C3orf52: variants seen among roughly 807,000 people sequenced by gnomAD.
C3orf52 encodes TPA-induced transmembrane protein.
C3orf52 carries 22 observed loss-of-function variants against 24.8 expected under a neutral mutation model. The observed-to-expected ratio is 0.89, with a 90% CI of 0.63 to 1.27. The LOEUF (loss-of-function observed/expected upper bound fraction) is 1.27, where lower values mean the gene tolerates loss of function less well. Among genes scored for constraint, C3orf52 ranks in the 50% most tolerant of loss-of-function variants. The pLI, the probability that C3orf52 is intolerant of heterozygous loss-of-function variation, is 0.00. For synonymous variants in C3orf52, 93 were observed against 100.2 expected, an observed-to-expected ratio of 0.93 and a Z score of 0.43; for missense variants, 265 against 260.7, an observed-to-expected ratio of 1.02 and a Z score of -0.11.
At chr3:112,132,750 A>G (rs1443963124), downstream of C3orf52, 13 of 697,400 alleles carry the variant, frequency 1.9e-5, no homozygotes, top group Non-Finnish European at 2.1e-5. Context: ...CTCCTTGTGG[A>G]GCATGAGGAG....
At chr3:112,092,557 G>A (rs1251308832) in intron 1 of C3orf52, among the ~76,000 whole-genome samples, 1 of 152,220 alleles carries the variant, frequency 6.6e-6, no homozygotes, top group Non-Finnish European at 1.5e-5. Context: ...ACACAGCAGG[G>A]ATTGGTTCTG....
At chr3:112,116,586 AT>A in intron 5 of C3orf52, 55 bp from the exon 6 acceptor site, 1 of 1,399,346 alleles carries the variant, frequency 7.1e-7, no homozygotes, top group Non-Finnish European at 9.6e-7. Context: ...AAACGTAAGC[AT>A]TTAATAGTGG....
chr3:112,133,025 T>C, downstream of C3orf52: 1 of 1,537,286 alleles, frequency 6.5e-7, no homozygotes, highest in East Asian at 2.3e-5. Context: ...CTAGCTTTCT[T>C]TTTCTCTTCC....
At chr3:112,123,288 C>G in intron 4 of C3orf52, 2 of 1,334,758 alleles carry the variant, frequency 1.5e-6, no homozygotes, top group Non-Finnish European at 2.0e-6. Context: ...TAGATTTTGG[C>G]TTTTGCGTGC....
chr3:112,093,529 A>T, intron 2 of C3orf52, 40 bp downstream of exon 2: 1 of 1,582,238 alleles, frequency 6.3e-7, no homozygotes, highest in Non-Finnish European at 8.6e-7. Context: ...ACATTTTAAG[A>T]ACTTACTTAA....
At chr3:112,121,138 A>G (rs2074189475), downstream of C3orf52, 1 of 152,192 alleles carries the variant, frequency 6.6e-6, no homozygotes, top group Non-Finnish European at 1.5e-5. Context: ...TGTCCCTGAT[A>G]AAAGGCATAT....
downstream of C3orf52, chr3:112,119,631 ATC>A: frequency 1.6e-6 from 1 of 631,344 alleles, no homozygotes; most frequent in African/African-American, 1.8e-5. Context: ...TCAGAGTCTG[ATC>A]AATGCTAAGA....
At chr3:112,119,623 A>T (rs752139861), downstream of C3orf52, 16 of 664,106 alleles carry the variant, frequency 2.4e-5, no homozygotes, top group Non-Finnish European at 4.1e-5. Flanking sequence ...TGTCCTATTC[A>T]GAGTCTGATC....
At chr3:112,129,709 T>G (rs1320875845), downstream of C3orf52, 1 of 152,202 alleles carries the variant, frequency 6.6e-6, no homozygotes, top group Non-Finnish European at 1.5e-5. Context: ...AAATTCACCC[T>G]GTTGAAAGGA....
chr3:112,110,051 C>T (rs557311779), intron 4 of C3orf52, among the ~76,000 whole-genome samples: 3 of 152,154 alleles, frequency 2.0e-5, no homozygotes, highest in Non-Finnish European at 4.4e-5. Context: ...AAAGAGGGGC[C>T]GGGCGTGGTA....
chr3:112,089,985 C>T (rs760022857), intron 1 of C3orf52, among the ~76,000 whole-genome samples: 1 of 152,202 alleles, frequency 6.6e-6, no homozygotes, highest in Non-Finnish European at 1.5e-5. Context: ...GCAAATATCT[C>T]CGGAAGGCAC....
chr3:112,119,785 T>G (rs2074171077), downstream of C3orf52, among the ~76,000 whole-genome samples: 1 of 152,264 alleles, frequency 6.6e-6, no homozygotes, highest in Non-Finnish European at 1.5e-5. Context: ...TCCTTGAATC[T>G]TTCCTTTGTG....
At position 112,086,416 on chromosome 3, in the gene C3orf52, G is replaced by A. The variant is rs1360215091; in HGVS notation, c.9G>A (p.Leu3=). 5.2e-6 allele frequency: 8 copies of A among 1,549,598 alleles called. No homozygotes were observed. The highest frequency in any genetic ancestry group is 1.2e-5 in the South Asian group (1 of 83,828). The part of the protein sequence containing the change: MD[L]AQPSQPVDEL... ...ACTTTCCCTGCCGGCACATGGACCT[G>A]GCCCAACCCTCACAGCCAGTAGACG... The change falls in exon 1 of 6, where the codon CTG becomes CTA. Residue 3 remains leucine (L), a synonymous_variant. Coordinates refer to ENST00000264848, the MANE Select transcript of C3orf52 (RefSeq NM_024616.3).
chr3:112,105,786 G>GCACTC (rs1177069270), intron 3 of C3orf52, among the ~76,000 whole-genome samples: 1 of 144,188 alleles, frequency 6.9e-6, no homozygotes, highest in Non-Finnish European at 1.5e-5. Flanking sequence ...CCGTGCCACT[G>GCACTC]CACTCCAGCC....
intron 1 of C3orf52, among the ~76,000 whole-genome samples, chr3:112,092,348 C>T (rs1201444798): frequency 6.6e-6 from 1 of 152,160 alleles, no homozygotes; most frequent in African/African-American, 2.4e-5. Flanking sequence ...GTGTTAGATA[C>T]AGACACATTT....
intron 4 of C3orf52, chr3:112,123,686 A>C: frequency 6.2e-7 from 1 of 1,614,178 alleles, no homozygotes; most frequent in Non-Finnish European, 8.5e-7. Context: ...ACTCTTCAGC[A>C]GAGTTCCCTG....
Position 112,117,354 on chromosome 3 carries a change from C to A in C3orf52, c.*708C>A. On this transcript the variant is annotated 3_prime_UTR_variant, in exon 6 of 6. Coordinates refer to ENST00000264848, the MANE Select transcript of C3orf52 (RefSeq NM_024616.3). Reference sequence around the variant, plus strand: ...AACACCACCAAGGTTACTTTGAAATCTATGTATATAGCTAGTTACAGACGG... The same window carrying A: ...AACACCACCAAGGTTACTTTGAAATATATGTATATAGCTAGTTACAGACGG... 1 of 207,770 alleles carries A rather than the reference C, an allele frequency of 4.8e-6. No homozygotes were observed. Among genetic ancestry groups the A allele is most frequent in the Non-Finnish European group, 9.6e-6 (1 of 103,994 alleles). 12.9% of individuals were successfully genotyped at this position (207,770 alleles called of 1,614,324 possible). A position where few individuals can be genotyped will look rare whatever the true frequency, so the allele number is the denominator to read the frequency against.
At chr3:112,126,531 A>G (rs544210446) in intron 4 of C3orf52, among the ~76,000 whole-genome samples, 91 of 152,256 alleles carry the variant, frequency 6.0e-4, no homozygotes, top group Non-Finnish European at 1.1e-3. Flanking sequence ...TGTTTTCTGC[A>G]CAGGAACCTG....
At chr3:112,090,149 T>C (rs2073864190) in intron 1 of C3orf52, among the ~76,000 whole-genome samples, 1 of 152,124 alleles carries the variant, frequency 6.6e-6, no homozygotes, top group Non-Finnish European at 1.5e-5. Context: ...TCACAGGCTC[T>C]TCACCCTCAG....
Sources: gnomAD v4.1 joint callset for allele counts (sites outside exome capture counted in the v4.1 genomes callset) on GRCh38, gnomAD v4.1.1 for gene constraint, MANE v1.5 for transcripts, NCBI Gene and HGNC (gene_info 2026-07-23, HGNC 2026-07-21) for gene names.